GRM1: variants seen among roughly 807,000 people sequenced by gnomAD.
GRM1 encodes glutamate metabotropic receptor 1, also known as metabotropic glutamate receptor 1.
A neutral mutation model predicts 90.9 loss-of-function variants in GRM1; 33 were observed. That is an observed-to-expected ratio of 0.36 (90% confidence interval 0.28 to 0.49). GRM1 has a LOEUF of 0.49. Among genes scored for constraint, GRM1 ranks in the 20% least tolerant of loss-of-function variants. The pLI is 0.99. For missense variants in GRM1, 1,190 were observed against 1,534.3 expected (o/e 0.78, Z 3.75); for synonymous variants, 700 against 613.2 (o/e 1.14, Z -2.09).
intron 2 of GRM1, among the ~76,000 whole-genome samples, chr6:146,174,762 T>C (rs1239093085): frequency 6.6e-6 from 1 of 152,216 alleles, no homozygotes; most frequent in Non-Finnish European, 1.5e-5. Flanking sequence ...GAGGCTGACT[T>C]TCTGTGGAGA....
At chr6:146,248,554 C>A (rs771891494) in intron 2 of GRM1, among the ~76,000 whole-genome samples, 7 of 152,184 alleles carry the variant, frequency 4.6e-5, no homozygotes, top group Non-Finnish European at 8.8e-5. Context: ...TTGTAAATTT[C>A]CTGAGGCCTC....
chr6:146,201,979 A>G lies in GRM1; in HGVS notation c.950+42382A>G, dbSNP rs139239497. On this transcript the variant is annotated intron_variant, in intron 2 of 7. Transcript: ENST00000282753. ...GAAGAGTTTTGGAAGCTAATGCTGA[A>G]CATGACTTAGCAGGTTATTGTTAAT... Among the ~76,000 whole-genome samples, 178 of 152,308 alleles carry G rather than the reference A, an allele frequency of 1.2e-3. 1 individual carries two copies. Among genetic ancestry groups the G allele is most frequent in the Non-Finnish European group, 2.2e-3 (151 of 68,038 alleles).
intron 2 of GRM1, among the ~76,000 whole-genome samples, chr6:146,253,050 C>G (rs992288018): frequency 1.2e-4 from 17 of 142,076 alleles, no homozygotes; most frequent in African/African-American, 5.2e-4. Context: ...CAGAGCGAAT[C>G]TCCATCTCAA....
intron 1 of GRM1, among the ~76,000 whole-genome samples, chr6:146,064,495 A>C (rs1216784031): frequency 3.3e-5 from 5 of 152,230 alleles, no homozygotes; most frequent in African/African-American, 4.8e-5. Context: ...ATTAAAACAT[A>C]TGACAACATT....
chr6:146,277,613 G>C (rs1232943066), intron 2 of GRM1, among the ~76,000 whole-genome samples: 1 of 152,176 alleles, frequency 6.6e-6, no homozygotes, highest in Non-Finnish European at 1.5e-5. Context: ...TGCCTTGGGG[G>C]AAGACACCTG....
intron 2 of GRM1, among the ~76,000 whole-genome samples, chr6:146,264,025 A>G (rs947079127): frequency 6.6e-6 from 1 of 152,140 alleles, no homozygotes; most frequent in African/African-American, 2.4e-5. Context: ...TGAAAATTGT[A>G]TATTAATACT....
intron 2 of GRM1, among the ~76,000 whole-genome samples, chr6:146,259,865 T>G (rs77569638): frequency 0.041 from 6,147 of 151,480 alleles, 181 homozygotes; most frequent in Non-Finnish European, 0.064. Context: ...TTTAAGAACT[T>G]TCATGCTGTT....
At chr6:146,390,895 G>A (rs116371551) in intron 6 of GRM1, among the ~76,000 whole-genome samples, 1,686 of 152,060 alleles carry the variant, frequency 0.011, 24 homozygotes, top group African/African-American at 0.038. Context: ...TCCCTGGGAA[G>A]AAAAAAGCCT....
Position 146,304,813 on chromosome 6 carries a change from C to T in GRM1, c.1153C>T (p.Leu385=). ...CCAGTGCCGCCTTCCAGGACACCTTCTGGAAAATCCCAACTTTAAACGAAT... is the reference window on the plus strand; with the variant it reads ...CCAGTGCCGCCTTCCAGGACACCTTTTGGAAAATCCCAACTTTAAACGAAT... ...RFQCRLPGHL[L]ENPNFKRICT... The change falls in exon 3 of 8, where the codon CTG becomes TTG. Residue 385 remains leucine, a synonymous_variant. Transcript: ENST00000282753. 1 of 1,613,698 alleles carries T rather than the reference C, an allele frequency of 6.2e-7. No individual in the cohort carries two copies. Among genetic ancestry groups the T allele is most frequent in the South Asian group, 1.1e-5 (1 of 91,078 alleles).
At chr6:146,375,447 T>C (rs1488314596) in intron 5 of GRM1, among the ~76,000 whole-genome samples, 3 of 152,020 alleles carry the variant, frequency 2.0e-5, no homozygotes, top group Admixed American at 6.6e-5. Context: ...GATGTTTCTT[T>C]GTTGATTTTC....
At chr6:146,333,921 G>C in intron 3 of GRM1, among the ~76,000 whole-genome samples, 1 of 152,080 alleles carries the variant, frequency 6.6e-6, no homozygotes, top group Non-Finnish European at 1.5e-5. Flanking sequence ...GATGAAATCT[G>C]AAAAAAATAA....
intron 2 of GRM1, among the ~76,000 whole-genome samples, chr6:146,170,889 C>A (rs1338404396): frequency 1.3e-5 from 2 of 151,926 alleles, no homozygotes; most frequent in East Asian, 1.9e-4. Context: ...TATGTTATAA[C>A]AATTCCAGAT....
rs182047416 is a variant in GRM1 at position 146,308,681 on chromosome 6, C to T, written c.1186+3835C>T. Among the ~76,000 whole-genome samples the T allele has an allele frequency of 5.9e-5, 9 of 152,172 alleles. No individual in the cohort carries two copies. In the East Asian group the frequency reaches 1.7e-3, roughly 29 times the overall value. Reference sequence around the variant, plus strand: ...CGTGCTTAATATGCTATTGCATGCACTTGGAAATATACAGAAGCATTAGAA... The same window carrying T: ...CGTGCTTAATATGCTATTGCATGCATTTGGAAATATACAGAAGCATTAGAA... On this transcript the variant is annotated intron_variant, in intron 3 of 7. Transcript: ENST00000282753.
intron 2 of GRM1, among the ~76,000 whole-genome samples, chr6:146,211,186 A>T (rs1779676802): frequency 6.6e-6 from 1 of 151,904 alleles, no homozygotes; most frequent in African/African-American, 2.4e-5. Flanking sequence ...AAGCATCCCT[A>T]GAGTTCTTAG....
At chr6:146,336,188 A>G (rs910416688) in intron 3 of GRM1, among the ~76,000 whole-genome samples, 1 of 152,094 alleles carries the variant, frequency 6.6e-6, no homozygotes, top group Non-Finnish European at 1.5e-5. Flanking sequence ...GAGTGTTAGT[A>G]TCTTGAGCCT....
At chr6:146,417,710 A>G (rs1777838214) in intron 7 of GRM1, among the ~76,000 whole-genome samples, 3 of 152,180 alleles carry the variant, frequency 2.0e-5, no homozygotes, top group African/African-American at 7.2e-5. Context: ...TTTTTGTGTT[A>G]TAAGTCCTTT....
At chr6:146,263,050 G>A (rs1301432260) in intron 2 of GRM1, among the ~76,000 whole-genome samples, 1 of 151,782 alleles carries the variant, frequency 6.6e-6, no homozygotes, top group Non-Finnish European at 1.5e-5. Flanking sequence ...TATCAAACTG[G>A]CAATATGTAT....
intron 1 of GRM1, among the ~76,000 whole-genome samples, chr6:146,065,133 C>T (rs186670993): frequency 6.6e-6 from 1 of 152,274 alleles, no homozygotes; most frequent in African/African-American, 2.4e-5. Flanking sequence ...TAAACAACTA[C>T]TTTAAATGCA....
chr6:146,401,229 G>C (rs997895081), intron 7 of GRM1, among the ~76,000 whole-genome samples: 2 of 152,084 alleles, frequency 1.3e-5, no homozygotes, highest in African/African-American at 4.8e-5. Context: ...TCAAAACTAG[G>C]ATGAAGCCAA....
Sources: gnomAD v4.1 joint callset for allele counts (sites outside exome capture counted in the v4.1 genomes callset) on GRCh38, gnomAD v4.1.1 for gene constraint, MANE v1.5 for transcripts, NCBI Gene and HGNC (gene_info 2026-07-23, HGNC 2026-07-21) for gene names.